ATP9B: variants seen among roughly 807,000 people sequenced by gnomAD.
ATP9B encodes ATPase phospholipid transporting 9B, also known as probable phospholipid-transporting ATPase IIB.
Under a neutral mutation model 146.1 loss-of-function variants are expected in ATP9B, and 110 were observed. That is an observed-to-expected ratio of 0.75 (90% CI 0.65 to 0.88). The LOEUF is 0.88. ATP9B is among the 40% of genes least tolerant of loss of function. The pLI, the probability that ATP9B is intolerant of heterozygous loss-of-function variation, is 0.00. For synonymous variants in ATP9B, 604 were observed against 569.7 expected (o/e 1.06, Z -0.86); for missense variants, 1,499 against 1,496.4 (o/e 1.00, Z -0.03).
At chr18:79,246,717 C>T (rs114011081) in intron 11 of ATP9B, among the ~76,000 whole-genome samples, 2,349 of 152,308 alleles carry the variant, frequency 0.015, 65 homozygotes, top group African/African-American at 0.054. Context: ...CTGGCCGCGC[C>T]CCGCGCTCCC....
intron 6 of ATP9B, among the ~76,000 whole-genome samples, chr18:79,150,484 G>A (rs951474234): frequency 2.0e-5 from 3 of 152,282 alleles, no homozygotes; most frequent in Admixed American, 2.0e-4. Flanking sequence ...GTGGGTGACT[G>A]GTCAGAGAAG....
chr18:79,191,575 C>T (rs558829594), intron 8 of ATP9B, among the ~76,000 whole-genome samples: 266 of 152,342 alleles, frequency 1.7e-3, no homozygotes, highest in Non-Finnish European at 2.9e-3. Flanking sequence ...GATTCACCAT[C>T]ATCTGTAATC....
rs1472036827 is a variant in ATP9B, at chr18:79,327,647, A to AGCGTGCTCTCCGTGTTTAGCG, written c.1774-1494_1774-1493insGCGTGCTCTCCGTGTTTAGCG. ...GGTTAGTGTGCCCTCCCTGGTTAGC[A>AGCGTGCTCTCCGTGTTTAGCG]TGCTCTCCGTGTTTAGCGTGCTCTC... On this transcript the variant is annotated intron_variant, in intron 15 of 29. Transcript: ENST00000426216. Among the ~76,000 whole-genome samples the AGCGTGCTCTCCGTGTTTAGCG allele has an allele frequency of 1.6e-4, 5 of 31,288 alleles. 1 individual carries two copies. The highest frequency in any genetic ancestry group is 6.1e-4 in the Admixed American group (2 of 3,268). 20.5% of individuals were successfully genotyped at this position (31,288 alleles called of 152,430 possible).
chr18:79,098,212 T>C (rs2074969903), intron 2 of ATP9B, among the ~76,000 whole-genome samples: 1 of 151,866 alleles, frequency 6.6e-6, no homozygotes, highest in South Asian at 2.1e-4. Context: ...CTGGATCCCT[T>C]CCTTATACAA....
chr18:79,121,161 A>G (rs1012204405), intron 4 of ATP9B, among the ~76,000 whole-genome samples: 3 of 152,246 alleles, frequency 2.0e-5, no homozygotes, highest in African/African-American at 4.8e-5. Flanking sequence ...AGGCACATCA[A>G]TAATGTACCC....
At chr18:79,147,167 A>G (rs1490263476) in intron 6 of ATP9B, among the ~76,000 whole-genome samples, 2 of 152,252 alleles carry the variant, frequency 1.3e-5, no homozygotes, top group Non-Finnish European at 2.9e-5. Context: ...ATGATCATAA[A>G]TTGTTACTCA....
chr18:79,341,751 G>A (rs113347332), intron 19 of ATP9B, among the ~76,000 whole-genome samples: 2 of 142,664 alleles, frequency 1.4e-5, no homozygotes, highest in South Asian at 2.3e-4. Context: ...TGTGTGTAGC[G>A]TGACCTGTTG....
chr18:79,300,490 A>T (rs1304761785), intron 13 of ATP9B, among the ~76,000 whole-genome samples: 1 of 152,078 alleles, frequency 6.6e-6, no homozygotes, highest in African/African-American at 2.4e-5. Context: ...AGGGACAGGG[A>T]GGTGCAGGCT....
chr18:79,172,221 C>G (rs1294689017), intron 7 of ATP9B, among the ~76,000 whole-genome samples: 2 of 142,172 alleles, frequency 1.4e-5, no homozygotes, highest in Non-Finnish European at 3.1e-5. Context: ...CCTTGCGATC[C>G]GCCTTGGCCT....
rs532623584 is a variant in ATP9B at position 79,194,714 on chromosome 18, G to A, written c.954+1451G>A. 1.3e-4 allele frequency: 20 copies of A among 152,310 alleles called. No individual in the cohort carries two copies. The South Asian group carries it at 4.1e-3, about 32-fold the overall frequency. 9.4% of individuals were successfully genotyped at this position (152,310 alleles called of 1,614,324 possible). ...TACAGGCTAACTATGAGAGTAGAGAGTTTAATCTGTAGCTCATGTTTAGCA... is the reference window on the plus strand; with the variant it reads ...TACAGGCTAACTATGAGAGTAGAGAATTTAATCTGTAGCTCATGTTTAGCA... On this transcript the variant is annotated intron_variant, in intron 9 of 29. Coordinates refer to ENST00000426216, the MANE Select transcript of ATP9B (RefSeq NM_198531.5).
chr18:79,327,891 C>T (rs548513474), intron 15 of ATP9B, among the ~76,000 whole-genome samples: 10 of 117,326 alleles, frequency 8.5e-5, no homozygotes, highest in Non-Finnish European at 1.0e-4. Flanking sequence ...GTGTGCTCTC[C>T]GTGGTTAGCG....
chr18:79,265,880 T>A (rs2096198414), intron 12 of ATP9B, among the ~76,000 whole-genome samples: 1 of 152,240 alleles, frequency 6.6e-6, no homozygotes, highest in African/African-American at 2.4e-5. Context: ...GTTTTTGCAT[T>A]TAAGTCTTTA....
At chr18:79,094,256 G>C (rs766451543) in intron 1 of ATP9B, among the ~76,000 whole-genome samples, 1 of 152,186 alleles carries the variant, frequency 6.6e-6, no homozygotes, top group Admixed American at 6.5e-5. Context: ...TTTGCAGCTC[G>C]GGGGTGAGCC....
chr18:79,321,158 G>A (rs1297210844), intron 15 of ATP9B, among the ~76,000 whole-genome samples: 4 of 152,240 alleles, frequency 2.6e-5, no homozygotes, highest in South Asian at 2.1e-4. Flanking sequence ...CCACACTTAC[G>A]TGCTGCAGAG....
chr18:79,345,356 C>G, intron 21 of ATP9B, 72 bp from the exon 22 acceptor site: 1 of 1,563,612 alleles, frequency 6.4e-7, no homozygotes, highest in Non-Finnish European at 8.7e-7. Context: ...TGGTTTTGCA[C>G]TTTCTACATT....
At chr18:79,138,643 A>G (rs909090331) in intron 5 of ATP9B, among the ~76,000 whole-genome samples, 15 of 152,206 alleles carry the variant, frequency 9.9e-5, no homozygotes, top group Non-Finnish European at 1.9e-4. Context: ...GTGGTAAACT[A>G]TCATCTCAAC....
At chr18:79,111,992 C>G (rs1320266096) in intron 3 of ATP9B, among the ~76,000 whole-genome samples, 1 of 152,130 alleles carries the variant, frequency 6.6e-6, no homozygotes, top group Non-Finnish European at 1.5e-5. Context: ...GGAAAAAGCA[C>G]TTTATTTCCT....
chr18:79,188,350 C>T (rs1361277596), intron 8 of ATP9B, among the ~76,000 whole-genome samples: 1 of 152,114 alleles, frequency 6.6e-6, no homozygotes, highest in Non-Finnish European at 1.5e-5. Context: ...AGAATACAGG[C>T]CAAGGTTGGG....
chr18:79,369,579 A>G (rs961808751), intron 26 of ATP9B, among the ~76,000 whole-genome samples: 25 of 149,948 alleles, frequency 1.7e-4, no homozygotes, highest in African/African-American at 5.9e-4. Context: ...CTGAGGAGGT[A>G]GGCTGGGAGA....
Sources: allele counts gnomAD v4.1 joint callset (sites outside exome capture counted in the v4.1 genomes callset), GRCh38; gene constraint gnomAD v4.1.1; transcripts MANE v1.5; gene names NCBI Gene and HGNC (gene_info 2026-07-23, HGNC 2026-07-21).